CNTNAP5: variants seen among roughly 807,000 people sequenced by gnomAD.
CNTNAP5 encodes the protein contactin associated protein family member 5.
In CNTNAP5, 72 loss-of-function variants were observed where a neutral mutation model predicts 150.2. That is an observed-to-expected ratio of 0.48 (90% CI 0.40 to 0.58). The LOEUF is 0.58. CNTNAP5 is among the 20% of genes least tolerant of loss of function. CNTNAP5 has a pLI of 0.00. For missense variants in CNTNAP5, 1,636 were observed against 1,626.2 expected, an observed-to-expected ratio of 1.01 and a Z score of -0.10; for synonymous variants, 672 against 619.8, an observed-to-expected ratio of 1.08 and a Z score of -1.25.
At chr2:124,485,746 C>T (rs1230868929) in intron 7 of CNTNAP5, among the ~76,000 whole-genome samples, 1 of 151,958 alleles carries the variant, frequency 6.6e-6, no homozygotes, top group Admixed American at 6.6e-5. Flanking sequence ...GAGACTGAAG[C>T]TGGGGTCAAC....
intron 9 of CNTNAP5, among the ~76,000 whole-genome samples, chr2:124,525,257 G>A (rs1455972855): frequency 1.3e-5 from 2 of 152,148 alleles, no homozygotes; most frequent in Non-Finnish European, 2.9e-5. Context: ...AACCTCAATA[G>A]CTGTCTGACC....
chr2:124,128,036 C>A (rs1033394397), intron 1 of CNTNAP5, among the ~76,000 whole-genome samples: 27 of 152,166 alleles, frequency 1.8e-4, no homozygotes, highest in Non-Finnish European at 3.5e-4. Context: ...AAAGCAATGG[C>A]AGCAAAAGCC....
intron 13 of CNTNAP5, among the ~76,000 whole-genome samples, chr2:124,703,743 G>A (rs1679574691): frequency 6.6e-6 from 1 of 152,132 alleles, no homozygotes; most frequent in Non-Finnish European, 1.5e-5. Context: ...TCTTCTACCT[G>A]CATTGCAGCT....
intron 3 of CNTNAP5, among the ~76,000 whole-genome samples, chr2:124,311,674 G>C (rs1461967814): frequency 1.3e-5 from 2 of 152,080 alleles, no homozygotes; most frequent in Non-Finnish European, 2.9e-5. Flanking sequence ...CAGTCCTTAG[G>C]TTCTCTAATT....
rs373237072 is a variant in CNTNAP5 at position 124,718,726 on chromosome 2, G to A, written c.2078-28503G>A. Among the ~76,000 whole-genome samples the A allele has an allele frequency of 3.0e-4, 45 of 152,126 alleles. 1 individual carries two copies. The highest frequency in any genetic ancestry group is 1.1e-3 in the African/African-American group (44 of 41,532). On this transcript the variant is annotated intron_variant, in intron 13 of 23. Coordinates refer to ENST00000682447, the MANE Select transcript of CNTNAP5 (RefSeq NM_001367498.1). The stretch of plus-strand genomic sequence containing the variant: ...GGCCGGGCCAAAGCGAGCAGATCAC[G>A]AGGTCAGGAGATCAAGATCATCCTG...
At chr2:124,430,057 T>A (rs563445177) in intron 4 of CNTNAP5, among the ~76,000 whole-genome samples, 1 of 151,742 alleles carries the variant, frequency 6.6e-6, no homozygotes, top group Non-Finnish European at 1.5e-5. Flanking sequence ...AGAAAACAGA[T>A]GAGCATCTAA....
intron 1 of CNTNAP5, among the ~76,000 whole-genome samples, chr2:124,088,841 T>TA (rs1305513528): frequency 6.6e-6 from 1 of 152,186 alleles, no homozygotes; most frequent in Non-Finnish European, 1.5e-5. Flanking sequence ...TGCATCTTGA[T>TA]AATCTCATGG....
chr2:124,468,095 C>T (rs1339389567), intron 6 of CNTNAP5, among the ~76,000 whole-genome samples: 54 of 152,220 alleles, frequency 3.5e-4, no homozygotes, highest in Non-Finnish European at 5.9e-5. Context: ...TGCATCACAG[C>T]TTTCATTGCT....
intron 3 of CNTNAP5, among the ~76,000 whole-genome samples, chr2:124,353,755 A>G (rs537018806): frequency 6.6e-6 from 1 of 152,330 alleles, no homozygotes; most frequent in South Asian, 2.1e-4. Context: ...AACAGTCTAC[A>G]ACAGTTAAAA....
intron 1 of CNTNAP5, among the ~76,000 whole-genome samples, chr2:124,044,219 T>A (rs1681467604): frequency 6.6e-6 from 1 of 152,206 alleles, no homozygotes; most frequent in South Asian, 2.1e-4. Context: ...TTACTACTAA[T>A]CTGGCTCATG....
At chr2:124,307,806 C>T (rs1688729027) in intron 3 of CNTNAP5, among the ~76,000 whole-genome samples, 3 of 152,170 alleles carry the variant, frequency 2.0e-5, no homozygotes, top group Admixed American at 2.0e-4. Flanking sequence ...GTTGTTGATA[C>T]TCACTGCTTT....
chr2:124,832,760 G>C (rs1682742553), intron 19 of CNTNAP5, among the ~76,000 whole-genome samples: 1 of 152,112 alleles, frequency 6.6e-6, no homozygotes, highest in South Asian at 2.1e-4. Flanking sequence ...CGTAAACAAT[G>C]AGTTTTATCT....
At chr2:124,628,157 G>A (rs534655255) in intron 12 of CNTNAP5, among the ~76,000 whole-genome samples, 1 of 152,246 alleles carries the variant, frequency 6.6e-6, no homozygotes, top group East Asian at 1.9e-4. Flanking sequence ...GTATCATCCG[G>A]GAGGACTTCC....
chr2:124,675,146 G>T (rs185641635), intron 13 of CNTNAP5, among the ~76,000 whole-genome samples: 11 of 152,042 alleles, frequency 7.2e-5, no homozygotes, highest in Admixed American at 6.6e-5. Context: ...TCGTATAAAT[G>T]TTTATAATCG....
At chr2:124,101,964 A>C (rs1026092457) in intron 1 of CNTNAP5, among the ~76,000 whole-genome samples, 5 of 152,236 alleles carry the variant, frequency 3.3e-5, no homozygotes, top group South Asian at 2.1e-4. Flanking sequence ...CCCCTCTCAC[A>C]GGCTGGTGGG....
chr2:124,709,472 C>A (rs772922228), intron 13 of CNTNAP5, among the ~76,000 whole-genome samples: 3 of 151,788 alleles, frequency 2.0e-5, no homozygotes, highest in Non-Finnish European at 4.4e-5. Flanking sequence ...TTTGTATAAC[C>A]AATTGAAGAG....
chr2:124,066,096 A>ATT (rs1361828115), intron 1 of CNTNAP5, among the ~76,000 whole-genome samples: 2 of 152,166 alleles, frequency 1.3e-5, no homozygotes, highest in East Asian at 3.9e-4. Context: ...ATCTCCACTT[A>ATT]GCTGACACTG....
chr2:124,303,270 T>A (rs948602296), intron 3 of CNTNAP5, among the ~76,000 whole-genome samples: 1 of 152,344 alleles, frequency 6.6e-6, no homozygotes, highest in Non-Finnish European at 1.5e-5. Context: ...GGACAGTGTC[T>A]GTTTGGACAC....
chr2:124,877,074 C>T (rs1238441388), intron 21 of CNTNAP5, among the ~76,000 whole-genome samples: 1 of 151,974 alleles, frequency 6.6e-6, no homozygotes, highest in Non-Finnish European at 1.5e-5. Context: ...TTTTTCCCCA[C>T]AGAGAAATTC....
Sources: allele counts gnomAD v4.1 joint callset (sites outside exome capture counted in the v4.1 genomes callset), GRCh38; gene constraint gnomAD v4.1.1; transcripts MANE v1.5; gene names NCBI Gene and HGNC (gene_info 2026-07-23, HGNC 2026-07-21).